The following MAMDC2 variants were observed in gnomAD, a reference collection of about 807,000 sequenced individuals.
MAMDC2 encodes MAM domain containing 2, also known as MAM domain-containing protein 2.
In MAMDC2, 57 loss-of-function variants were observed where a neutral mutation model predicts 89.8. The observed-to-expected ratio is 0.63, with a 90% CI of 0.51 to 0.79. The LOEUF (loss-of-function observed/expected upper bound fraction) is 0.79, where lower values mean the gene tolerates loss of function less well. MAMDC2 is among the 30% of genes least tolerant of loss of function. The probability of loss-of-function intolerance (pLI) is 0.00; values close to 1 mark genes in which losing one functional copy is unlikely to be tolerated. For synonymous variants in MAMDC2, 313 were observed against 293.4 expected, an observed-to-expected ratio of 1.07 and a Z score of -0.68; for missense variants, 800 against 820.6, an observed-to-expected ratio of 0.97 and a Z score of 0.31.
At position 70,131,608 on chromosome 9, in the gene MAMDC2, G is replaced by T; in HGVS notation, c.990G>T (p.Gln330His). 1 of 1,604,854 alleles carries T rather than the reference G, an allele frequency of 6.2e-7. No individual in the cohort carries two copies. Among genetic ancestry groups the T allele is most frequent in the Admixed American group, 1.7e-5 (1 of 58,366 alleles). ...ISFSPVHCQNQTELLFSAVEA... is the reference protein window; with the variant it reads ...ISFSPVHCQNHTELLFSAVEA... Reference sequence around the variant, plus strand: ...TCTCTCCTGTTCACTGCCAGAATCAGACAGGTGAGCATTCTCTATTTGTCA... The same window carrying T: ...TCTCTCCTGTTCACTGCCAGAATCATACAGGTGAGCATTCTCTATTTGTCA... Residue 330 changes from glutamine to histidine, a missense_variant, in exon 7 of 14, where the codon CAG (glutamine) becomes CAT (histidine). Transcript: ENST00000377182.
chr9:70,099,155 C>A (rs1737841989), intron 2 of MAMDC2, among the ~76,000 whole-genome samples: 1 of 151,796 alleles, frequency 6.6e-6, no homozygotes. Flanking sequence ...CCATTCTCTG[C>A]CAGAAGTAAT....
intron 2 of MAMDC2, among the ~76,000 whole-genome samples, chr9:70,079,966 T>C (rs1372166543): frequency 6.6e-6 from 1 of 152,200 alleles, no homozygotes; most frequent in Admixed American, 6.5e-5. Flanking sequence ...TAATTACAAG[T>C]GTTATTGCAA....
At chr9:70,215,922 T>C (rs558442931) in intron 11 of MAMDC2, among the ~76,000 whole-genome samples, 5 of 152,302 alleles carry the variant, frequency 3.3e-5, no homozygotes, top group East Asian at 3.9e-4. Context: ...GATTTGTGTT[T>C]GTAGAAATAA....
intron 2 of MAMDC2, among the ~76,000 whole-genome samples, chr9:70,065,949 A>G (rs935757226): frequency 6.6e-6 from 1 of 152,208 alleles, no homozygotes; most frequent in African/African-American, 2.4e-5. Flanking sequence ...AAGAGAATCT[A>G]TTGATACCCA....
At chr9:70,071,445 A>G (rs187184938) in intron 2 of MAMDC2, 2 of 152,284 alleles carry the variant, frequency 1.3e-5, no homozygotes, top group African/African-American at 4.8e-5. Flanking sequence ...TGATCTTCTA[A>G]TTTCGTAGGA....
chr9:70,212,267 G>A (rs1371821257), intron 11 of MAMDC2, among the ~76,000 whole-genome samples: 2 of 152,242 alleles, frequency 1.3e-5, no homozygotes, highest in Non-Finnish European at 2.9e-5. Flanking sequence ...GAGCTGTGGT[G>A]GGCTCCACCC....
intron 11 of MAMDC2, among the ~76,000 whole-genome samples, chr9:70,190,600 T>C (rs576672135): frequency 6.6e-6 from 1 of 152,144 alleles, no homozygotes; most frequent in African/African-American, 2.4e-5. Context: ...CTCTTTATAT[T>C]TACATGGCCT....
chr9:70,200,143 T>G (rs980208959), intron 11 of MAMDC2, among the ~76,000 whole-genome samples: 1 of 152,156 alleles, frequency 6.6e-6, no homozygotes, highest in African/African-American at 2.4e-5. Flanking sequence ...ATGTCCTGAA[T>G]GGTAATGCCT....
chr9:70,178,802 C>T (rs950506454), intron 11 of MAMDC2, among the ~76,000 whole-genome samples: 1 of 152,140 alleles, frequency 6.6e-6, no homozygotes, highest in Non-Finnish European at 1.5e-5. Context: ...TGAAACCACA[C>T]AGCTAGCTCT....
At chr9:70,114,909 A>G (rs76161933) in intron 5 of MAMDC2, among the ~76,000 whole-genome samples, 10,155 of 152,210 alleles carry the variant, frequency 0.067, 530 homozygotes, top group East Asian at 0.21. Flanking sequence ...GTCCTAGAAG[A>G]CATGATAAAA....
intron 11 of MAMDC2, among the ~76,000 whole-genome samples, chr9:70,187,644 C>A (rs1450880276): frequency 6.6e-6 from 1 of 152,064 alleles, no homozygotes; most frequent in African/African-American, 2.4e-5. Flanking sequence ...TTTACCCCAC[C>A]CCCAGAAAAC....
chr9:70,139,010 C>T (rs1195178375), intron 7 of MAMDC2, among the ~76,000 whole-genome samples: 1 of 151,912 alleles, frequency 6.6e-6, no homozygotes, highest in African/African-American at 2.4e-5. Flanking sequence ...CCCATAAAAT[C>T]TCTTCCTTTT....
chr9:70,181,850 T>C (rs189885081), intron 11 of MAMDC2, among the ~76,000 whole-genome samples: 1 of 152,302 alleles, frequency 6.6e-6, no homozygotes, highest in African/African-American at 2.4e-5. Context: ...CTTTTATTTC[T>C]TTCTCTTGCC....
intron 2 of MAMDC2, chr9:70,083,318 C>A (rs1050636067): frequency 2.6e-5 from 4 of 152,036 alleles, no homozygotes. Flanking sequence ...GGGATTCTCT[C>A]ATTTTCATTT....
chr9:70,142,342 A>G (rs1393335028), intron 8 of MAMDC2, among the ~76,000 whole-genome samples: 2 of 152,148 alleles, frequency 1.3e-5, no homozygotes, highest in Admixed American at 1.3e-4. Context: ...AGAATGGAGG[A>G]AAATGATGTC....
intron 11 of MAMDC2, among the ~76,000 whole-genome samples, chr9:70,177,881 C>T (rs1405385778): frequency 6.6e-6 from 1 of 152,176 alleles, no homozygotes; most frequent in Non-Finnish European, 1.5e-5. Context: ...CCCTTCACAC[C>T]AAAGCAGAGT....
intron 9 of MAMDC2, among the ~76,000 whole-genome samples, chr9:70,145,875 A>G (rs76560687): frequency 0.069 from 10,459 of 152,238 alleles, 567 homozygotes; most frequent in East Asian, 0.22. Context: ...ATAGAAGATT[A>G]AGATATGTAA....
chr9:70,184,886 G>A (rs2032718141), intron 11 of MAMDC2, among the ~76,000 whole-genome samples: 1 of 151,984 alleles, frequency 6.6e-6, no homozygotes, highest in Admixed American at 6.6e-5. Context: ...TTGTCAATTT[G>A]TCAAACTCAT....
chr9:70,094,840 T>G (rs1216250508), intron 2 of MAMDC2, among the ~76,000 whole-genome samples: 1 of 152,080 alleles, frequency 6.6e-6, no homozygotes, highest in Admixed American at 6.6e-5. Context: ...AAAGAAGACT[T>G]AAAAAAGACA....
Sources: allele counts gnomAD v4.1 joint callset (sites outside exome capture counted in the v4.1 genomes callset), GRCh38; gene constraint gnomAD v4.1.1; transcripts MANE v1.5; gene names NCBI Gene and HGNC (gene_info 2026-07-23, HGNC 2026-07-21).